SENP2: variants seen among roughly 807,000 people sequenced by gnomAD.
SENP2 encodes sentrin-specific protease 2.
Under a neutral mutation model 86.3 loss-of-function variants are expected in SENP2, and 16 were observed. The observed-to-expected ratio is 0.19, with a 90% confidence interval of 0.13 to 0.28. The LOEUF (loss-of-function observed/expected upper bound fraction) is 0.28, where lower values mean the gene tolerates loss of function less well. Ranked by LOEUF, SENP2 falls within the 10% of genes least tolerant of loss-of-function variation. The probability of loss-of-function intolerance (pLI) is 1.00; values close to 1 mark genes in which losing one functional copy is unlikely to be tolerated. For synonymous variants in SENP2, 222 were observed against 238.7 expected, an observed-to-expected ratio of 0.93 and a Z score of 0.64; for missense variants, 552 against 703.0, an observed-to-expected ratio of 0.79 and a Z score of 2.43.
At chr3:185,629,494 C>G (rs1169885150) in intron 16 of SENP2, among the ~76,000 whole-genome samples, 1 of 151,800 alleles carries the variant, frequency 6.6e-6, no homozygotes. Flanking sequence ...ACAAGAATCG[C>G]TCGAACCCAG....
At chr3:185,624,242 T>C (rs1184260877) in intron 15 of SENP2, among the ~76,000 whole-genome samples, 160 bp downstream of exon 15, 1 of 152,046 alleles carries the variant, frequency 6.6e-6, no homozygotes, top group Admixed American at 6.6e-5. Context: ...GGGATCTTGC[T>C]TTGTTGCCCA....
chr3:185,600,831 C>T lies in SENP2; in HGVS notation c.425C>T (p.Pro142Leu). 1 of 1,611,476 alleles carries T rather than the reference C, an allele frequency of 6.2e-7. No homozygotes were observed. The highest frequency in any genetic ancestry group is 1.3e-5 in the African/African-American group (1 of 74,992). The change falls in exon 5 of 17, where the codon CCA becomes CTA. Residue 142 changes from proline to leucine, a missense_variant. This residue lies in a region of SENP2 where 383 missense variants were observed against 427.3 expected (regional missense o/e 0.90). Coordinates refer to ENST00000296257, the MANE Select transcript of SENP2 (RefSeq NM_021627.3). The stretch of plus-strand genomic sequence containing the variant: ...AGAGTGACAGTTACCCGAGATCAGC[C>T]ACGCAGAGTCCTGCCTTCCTTTGGG... ...KIRVTVTRDQ[P>L]RRVLPSFGFT...
At chr3:185,605,143 G>A (rs748726547) in intron 5 of SENP2, among the ~76,000 whole-genome samples, 1 of 151,418 alleles carries the variant, frequency 6.6e-6, no homozygotes, top group African/African-American at 2.4e-5. Flanking sequence ...GCTGAAGCGC[G>A]TGGATCACCT....
rs1435761287 is a variant in SENP2, at chr3:185,633,096, TC to T, written c.*3254del. The T allele has an allele frequency of 6.6e-6, 1 of 152,168 alleles. No individual in the cohort carries two copies. The highest frequency in any genetic ancestry group is 1.5e-5 in the Non-Finnish European group (1 of 68,052). The allele number at this position is 152,168 out of a possible 1,614,324, so 9.4% of individuals were successfully genotyped here. A position where few individuals can be genotyped will look rare whatever the true frequency, so the allele number is the denominator to read the frequency against. On this transcript the variant is annotated 3_prime_UTR_variant, in exon 17 of 17. Coordinates refer to ENST00000296257, the MANE Select transcript of SENP2 (RefSeq NM_021627.3). ...CCTCTGAATTTTTCCTCCTCTGAAA[TC>T]CTAAGCACAACTTCAGAAAACCATG...
chr3:185,614,539 A>G, intron 10 of SENP2, 25 bp from the exon 11 acceptor site: 1 of 1,581,790 alleles, frequency 6.3e-7, no homozygotes, highest in Middle Eastern at 1.7e-4. Context: ...ACATGTCAGT[A>G]GAATTTAGAT....
chr3:185,593,399 C>T (rs566519522), intron 2 of SENP2, among the ~76,000 whole-genome samples: 1 of 152,242 alleles, frequency 6.6e-6, no homozygotes, highest in Non-Finnish European at 1.5e-5. Flanking sequence ...CAGGCGTGAA[C>T]CACCATCCCC....
intron 11 of SENP2, among the ~76,000 whole-genome samples, chr3:185,615,735 A>G (rs1711572927): frequency 6.6e-6 from 1 of 152,234 alleles, no homozygotes; most frequent in African/African-American, 2.4e-5. Context: ...TGATGAAGCC[A>G]TTTATTCCAT....
intron 2 of SENP2, among the ~76,000 whole-genome samples, chr3:185,591,928 G>A (rs1439702318): frequency 6.7e-6 from 1 of 148,966 alleles, no homozygotes; most frequent in Admixed American, 6.8e-5. Flanking sequence ...TAGAAACAGG[G>A]TCTTGCCACA....
chr3:185,621,726 G>T, intron 13 of SENP2, 100 bp from the exon 14 acceptor site: 1 of 662,660 alleles, frequency 1.5e-6, no homozygotes, highest in Non-Finnish European at 2.5e-6. Context: ...AATTTATATT[G>T]GTACATGTAT....
intron 6 of SENP2, among the ~76,000 whole-genome samples, chr3:185,607,077 G>A (rs201876584): frequency 6.6e-6 from 1 of 150,626 alleles, no homozygotes; most frequent in African/African-American, 2.4e-5. Context: ...TGTCTCCCAC[G>A]TTCCAGCATA....
At chr3:185,591,736 A>AT (rs966158491) in intron 2 of SENP2, among the ~76,000 whole-genome samples, 43 of 131,748 alleles carry the variant, frequency 3.3e-4, no homozygotes, top group Admixed American at 7.0e-4. Flanking sequence ...CATCTTTTCT[A>AT]TTTTTTTTTT....
intron 2 of SENP2, among the ~76,000 whole-genome samples, chr3:185,593,302 G>T (rs1204782776): frequency 6.6e-6 from 1 of 152,216 alleles, no homozygotes; most frequent in East Asian, 1.9e-4. Context: ...TAGAGACAGG[G>T]TCTTGCTATA....
intron 5 of SENP2, among the ~76,000 whole-genome samples, chr3:185,603,895 G>C (rs1375350810): frequency 6.6e-6 from 1 of 152,166 alleles, no homozygotes; most frequent in Non-Finnish European, 1.5e-5. Flanking sequence ...GCTGAGGTGG[G>C]CAGATCACTT....
chr3:185,617,585 A>G lies in SENP2; in HGVS notation c.1216A>G (p.Lys406Glu). ...TACTCGAGGAGATATTCAGACATTA[A>G]AGAACTATCACTGGCTCAATGATGA... ...RITRGDIQTLKNYHWLNDEVI... is the reference protein window; with the variant it reads ...RITRGDIQTLENYHWLNDEVI... The change falls in exon 12 of 17, where the codon AAG becomes GAG. Residue 406 changes from lysine (K) to glutamate (E), a missense_variant. This residue lies in a region of SENP2 where 169 missense variants were observed against 275.7 expected (regional missense o/e 0.61). Transcript: ENST00000296257. The G allele has an allele frequency of 6.2e-7, 1 of 1,613,822 alleles. No individual in the cohort carries two copies. Among genetic ancestry groups the G allele is most frequent in the Non-Finnish European group, 8.5e-7 (1 of 1,179,808 alleles).
intron 1 of SENP2, among the ~76,000 whole-genome samples, chr3:185,587,732 A>ATTTTTTTTTTTTTTTTTT (rs59565990): frequency 1.4e-5 from 1 of 73,010 alleles, no homozygotes; most frequent in South Asian, 6.1e-4. Context: ...ATGCCCGGCT[A>ATTTTTTTTTTTTTTTTTT]TTTTTTTTTT....
In SENP2 at chr3:185,628,129, T is replaced by TTTATTA. The variant is rs145966423; in HGVS notation, c.1708-1635_1708-1630dup. On this transcript the variant is annotated intron_variant, in intron 16 of 16. Coordinates refer to ENST00000296257, the MANE Select transcript of SENP2 (RefSeq NM_021627.3). ...CCACCCCTAGGGAGGACATCACTAG[T>TTTATTA]TTATTATTATTATTATTATTATTTT... is the stretch of plus-strand genomic sequence containing the variant. 1.8e-3 allele frequency among the ~76,000 whole-genome samples: 271 copies of TTTATTA among 151,786 alleles called. 3 individuals are homozygous for TTTATTA. The highest frequency in any genetic ancestry group is 0.016 in the East Asian group (85 of 5,152).
chr3:185,593,127 G>A (rs936747722), intron 2 of SENP2, among the ~76,000 whole-genome samples: 1 of 152,128 alleles, frequency 6.6e-6, no homozygotes, highest in African/African-American at 2.4e-5. Context: ...AGGATGGATA[G>A]GATATCAAAG....
At chr3:185,618,459 A>G (rs543568970) in intron 12 of SENP2, among the ~76,000 whole-genome samples, 23 of 152,336 alleles carry the variant, frequency 1.5e-4, no homozygotes, top group African/African-American at 3.6e-4. Context: ...GAAGTCCCCT[A>G]TGACTAGTTA....
intron 8 of SENP2, 150 bp downstream of exon 8, chr3:185,611,895 G>A (rs1224979545): frequency 2.5e-5 from 15 of 606,074 alleles, no homozygotes; most frequent in African/African-American, 3.7e-5. Flanking sequence ...GGTGGCTTAC[G>A]CCTGCAATCC....
Sources: allele counts gnomAD v4.1 joint callset (sites outside exome capture counted in the v4.1 genomes callset), GRCh38; gene constraint gnomAD v4.1.1; regional missense constraint gnomAD v4.1.1; transcripts MANE v1.5; gene names NCBI Gene and HGNC (gene_info 2026-07-23, HGNC 2026-07-21).